Variants in CABCOCO1 observed in about 807,000 individuals in gnomAD.
CABCOCO1 encodes the protein ciliary associated calcium binding coiled-coil 1.
A neutral mutation model predicts 35.7 loss-of-function variants in CABCOCO1; 28 were observed. The ratio of observed to expected loss-of-function variants is 0.78; its 90% CI spans 0.58 to 1.07. The LOEUF is 1.07. CABCOCO1 is among the 50% of genes least tolerant of loss of function. The pLI, the probability that CABCOCO1 is intolerant of heterozygous loss-of-function variation, is 0.00. For synonymous variants in CABCOCO1, 95 were observed against 100.1 expected, an observed-to-expected ratio of 0.95 and a Z score of 0.30; for missense variants, 326 against 309.2, an observed-to-expected ratio of 1.05 and a Z score of -0.41.
chr10:61,743,962 C>T (rs1841603071), intron 5 of CABCOCO1, among the ~76,000 whole-genome samples: 1 of 152,086 alleles, frequency 6.6e-6, no homozygotes, highest in Non-Finnish European at 1.5e-5. Flanking sequence ...TATGTTATTC[C>T]TACCAAGTGC....
At chr10:61,740,944 C>T (rs1043924314) in intron 5 of CABCOCO1, among the ~76,000 whole-genome samples, 6 of 151,958 alleles carry the variant, frequency 3.9e-5, no homozygotes, top group African/African-American at 1.2e-4. Flanking sequence ...GTCAGCAGTT[C>T]GAGACCAGCC....
At chr10:61,691,648 C>T (rs565589853) in intron 5 of CABCOCO1, among the ~76,000 whole-genome samples, 2 of 152,150 alleles carry the variant, frequency 1.3e-5, no homozygotes, top group East Asian at 3.9e-4. Context: ...CCCCTTGCCC[C>T]CCACTCCCCA....
Position 61,681,194 on chromosome 10 carries a change from T to A in CABCOCO1, c.216T>A (p.Asp72Glu), listed in dbSNP as rs200926415. ...AAAACCTTGAAACTTGTTTAAAGGATGCCATTCTACTAGATTATTATGTAT... is the reference window on the plus strand; with the variant it reads ...AAAACCTTGAAACTTGTTTAAAGGAAGCCATTCTACTAGATTATTATGTAT... ...NFKNLETCLK[D>E]AILLDYYVSG... The change falls in exon 3 of 8, where the codon GAT (aspartate) becomes GAA (glutamate). Residue 72 changes from aspartate (D) to glutamate (E), a missense_variant. By Grantham distance (45) the Asp-to-Glu change is conservative (BLOSUM62 2). Coordinates refer to ENST00000648843, the MANE Select transcript of CABCOCO1 (RefSeq NM_001366906.2). 6.0e-5 allele frequency: 91 copies of A among 1,520,388 alleles called. No homozygotes were observed. Among genetic ancestry groups the A allele is most frequent in the Non-Finnish European group, 1.7e-5 (19 of 1,127,142 alleles). The allele number at this position is 1,520,388 out of a possible 1,614,324, so 94.2% of individuals were successfully genotyped here.
intron 5 of CABCOCO1, among the ~76,000 whole-genome samples, chr10:61,757,262 GA>G (rs952536204): frequency 1.7e-4 from 26 of 151,878 alleles, no homozygotes; most frequent in African/African-American, 5.8e-4. Flanking sequence ...TTTTTAATGT[GA>G]AAAAAATCAC....
intron 5 of CABCOCO1, among the ~76,000 whole-genome samples, chr10:61,703,792 G>C (rs1053704400): frequency 2.0e-5 from 3 of 152,086 alleles, no homozygotes; most frequent in African/African-American, 7.2e-5. Context: ...ATTCCTAGGA[G>C]CTTGAGGGAA....
intron 5 of CABCOCO1, among the ~76,000 whole-genome samples, chr10:61,739,206 T>C (rs1310078253): frequency 6.6e-6 from 1 of 152,204 alleles, no homozygotes; most frequent in African/African-American, 2.4e-5. Context: ...AGTGGATGCC[T>C]CGGCCATGAG....
Position 61,691,602 on chromosome 10 carries a change from T to C in CABCOCO1, c.552+981T>C, listed in dbSNP as rs574230379. 5.9e-5 allele frequency among the ~76,000 whole-genome samples: 9 copies of C among 152,264 alleles called. 1 individual carries two copies. The South Asian group carries it at 1.9e-3, about 32-fold the overall frequency. On this transcript the variant is annotated intron_variant, in intron 5 of 7. Transcript: ENST00000648843. ...GTGGTTTGCTGCACCCATCAACCCG[T>C]CATTTACATTAGGTATTTCTCCTAA...
intron 3 of CABCOCO1, among the ~76,000 whole-genome samples, chr10:61,682,176 C>A (rs1268133854): frequency 6.6e-6 from 1 of 152,072 alleles, no homozygotes; most frequent in Non-Finnish European, 1.5e-5. Context: ...TTATAACTGA[C>A]TCAGTAACAT....
rs1233520961 is a variant in CABCOCO1 at position 61,663,001 on chromosome 10, C to CGACCCCGGCAGGGCG, written c.38_39insAGGGCGGACCCCGGC (p.Gly14_Thr15insArgThrProAlaGly). The CGACCCCGGCAGGGCG allele has an allele frequency of 1.4e-5, 5 of 360,046 alleles. No homozygotes were observed. Among genetic ancestry groups the CGACCCCGGCAGGGCG allele is most frequent in the South Asian group, 5.9e-5 (3 of 51,254 alleles). 22.3% of individuals were successfully genotyped at this position (360,046 alleles called of 1,614,324 possible). On this transcript the variant is annotated inframe_insertion, in exon 1 of 8. Coordinates refer to ENST00000648843, the MANE Select transcript of CABCOCO1 (RefSeq NM_001366906.2). ...TCGCAGGGGACGACTCCCTGGGGGC[C>CGACCCCGGCAGGGCG]GACCCCGGCGGGAACCACGCCCGAA...
At position 61,669,459 on chromosome 10, in the gene CABCOCO1, T is replaced by C. The variant is rs148619358; in HGVS notation, c.61-3173T>C. Among the ~76,000 whole-genome samples the C allele has an allele frequency of 2.5e-3, 379 of 152,146 alleles. 1 individual carries two copies. The highest frequency in any genetic ancestry group is 2.9e-3 in the Non-Finnish European group (196 of 67,924). ...TTACATATCCACATATTTTAGCTTATTTATGAATTTTCTATTATATCTTTA... is the reference window on the plus strand; with the variant it reads ...TTACATATCCACATATTTTAGCTTACTTATGAATTTTCTATTATATCTTTA... On this transcript the variant is annotated intron_variant, in intron 1 of 7. Transcript: ENST00000648843.
intron 5 of CABCOCO1, among the ~76,000 whole-genome samples, chr10:61,702,248 T>A (rs1243962459): frequency 6.6e-6 from 1 of 152,198 alleles, no homozygotes; most frequent in Admixed American, 6.5e-5. Context: ...TATGTGACCA[T>A]CAAACCCAGA....
intron 5 of CABCOCO1, among the ~76,000 whole-genome samples, chr10:61,743,821 C>T (rs541103519): frequency 6.6e-6 from 1 of 152,300 alleles, no homozygotes; most frequent in Admixed American, 6.5e-5. Flanking sequence ...AACTCAAGCA[C>T]CATCTCTCTT....
intron 5 of CABCOCO1, among the ~76,000 whole-genome samples, chr10:61,705,530 C>A (rs1791473673): frequency 6.6e-6 from 1 of 152,126 alleles, no homozygotes; most frequent in African/African-American, 2.4e-5. Context: ...ATGCTCAGAG[C>A]CTAGCAAGAG....
intron 5 of CABCOCO1, among the ~76,000 whole-genome samples, chr10:61,718,091 G>A (rs990251826): frequency 1.2e-4 from 18 of 152,148 alleles, no homozygotes; most frequent in African/African-American, 3.6e-4. Context: ...CTGTCTGCGA[G>A]AGTATTTAAT....
intron 1 of CABCOCO1, among the ~76,000 whole-genome samples, chr10:61,671,453 T>A (rs1680287896): frequency 6.6e-6 from 1 of 152,214 alleles, no homozygotes; most frequent in Admixed American, 6.5e-5. Flanking sequence ...CACAGAGCTG[T>A]GTCAGCATTA....
chr10:61,710,229 G>A (rs2132028035), intron 5 of CABCOCO1, among the ~76,000 whole-genome samples: 1 of 150,488 alleles, frequency 6.6e-6, no homozygotes, highest in South Asian at 2.1e-4. Flanking sequence ...GACTTGACAT[G>A]CTGAATTAAT....
At chr10:61,677,109 T>A (rs553747112) in intron 2 of CABCOCO1, among the ~76,000 whole-genome samples, 1 of 138,850 alleles carries the variant, frequency 7.2e-6, no homozygotes, top group South Asian at 2.3e-4. Flanking sequence ...TTCTGTTAGA[T>A]TAGTAGATGT....
At chr10:61,761,864 T>C (rs1842016586) in intron 7 of CABCOCO1, among the ~76,000 whole-genome samples, 1 of 152,136 alleles carries the variant, frequency 6.6e-6, no homozygotes, top group South Asian at 2.1e-4. Context: ...ACCTTGTTAC[T>C]TGTTTAATCA....
At chr10:61,752,806 T>C (rs1402838348) in intron 5 of CABCOCO1, among the ~76,000 whole-genome samples, 1 of 152,228 alleles carries the variant, frequency 6.6e-6, no homozygotes, top group Non-Finnish European at 1.5e-5. Context: ...TTTTTATTTC[T>C]AAACGAATAT....
Sources: gnomAD v4.1 joint callset for allele counts (sites outside exome capture counted in the v4.1 genomes callset) on GRCh38, gnomAD v4.1.1 for gene constraint, MANE v1.5 for transcripts, NCBI Gene and HGNC (gene_info 2026-07-23, HGNC 2026-07-21) for gene names.